The following CSMD1 variants were observed in gnomAD, a reference collection of about 807,000 sequenced individuals.
CSMD1 encodes CUB and sushi domain-containing protein 1.
In CSMD1, 213 loss-of-function variants were observed where a neutral mutation model predicts 417.5. The observed-to-expected ratio is 0.51, with a 90% CI of 0.46 to 0.57. CSMD1 has a LOEUF of 0.57. Among genes scored for constraint, CSMD1 ranks in the 20% least tolerant of loss-of-function variants. The pLI is 0.00. For missense variants in CSMD1, 6,923 were observed against 4,529.7 expected (o/e 1.53, Z -15.17); for synonymous variants, 2,862 against 1,736.8 (o/e 1.65, Z -16.11).
intron 41 of CSMD1, among the ~76,000 whole-genome samples, chr8:3,126,638 G>C (rs1000133478): frequency 2.6e-5 from 4 of 152,060 alleles, no homozygotes; most frequent in East Asian, 1.9e-4. Flanking sequence ...TAAACTTCTG[G>C]GATAGCATAT....
rs566832045 is a variant in CSMD1, at chr8:3,835,685, C to T, written c.819-81643G>A. Among the ~76,000 whole-genome samples the T allele has an allele frequency of 2.0e-5, 3 of 147,340 alleles. No homozygotes were observed. The South Asian group carries it at 6.4e-4, about 31-fold the overall frequency. Reference sequence around the variant, plus strand: ...ATGTAACAAACCTGCACATTGTGCACATGTACCCTGAAACTTAAAGTATAA... The same window carrying T: ...ATGTAACAAACCTGCACATTGTGCATATGTACCCTGAAACTTAAAGTATAA... On this transcript the variant is annotated intron_variant, in intron 5 of 69. Coordinates refer to ENST00000635120, the MANE Select transcript of CSMD1 (RefSeq NM_033225.6).
intron 3 of CSMD1, among the ~76,000 whole-genome samples, chr8:4,268,399 T>G (rs933564684): frequency 1.3e-5 from 2 of 152,294 alleles, no homozygotes; most frequent in African/African-American, 2.4e-5. Flanking sequence ...CAAGAGGAAG[T>G]AATTATTGTA....
intron 2 of CSMD1, among the ~76,000 whole-genome samples, chr8:4,436,286 G>C (rs375443182): frequency 1.3e-5 from 2 of 152,058 alleles, no homozygotes; most frequent in East Asian, 1.9e-4. Flanking sequence ...TTGTATTGTG[G>C]TGTTTTTTTC....
intron 1 of CSMD1, among the ~76,000 whole-genome samples, chr8:4,845,795 T>C (rs961507987): frequency 2.0e-5 from 3 of 152,160 alleles, no homozygotes; most frequent in Non-Finnish European, 2.9e-5. Flanking sequence ...AAGGGCGGAT[T>C]TTACTAAAGA....
intron 10 of CSMD1, among the ~76,000 whole-genome samples, chr8:3,507,624 G>T (rs981629900): frequency 6.6e-6 from 1 of 152,212 alleles, no homozygotes; most frequent in Non-Finnish European, 1.5e-5. Context: ...CCCACCAACA[G>T]TGTAAAAGTG....
intron 1 of CSMD1, among the ~76,000 whole-genome samples, chr8:4,896,774 T>C (rs1380340204): frequency 6.6e-6 from 1 of 151,700 alleles, no homozygotes; most frequent in Non-Finnish European, 1.5e-5. Flanking sequence ...GGGAAGGAGG[T>C]AGTTTCAGGG....
chr8:4,323,287 A>G (rs974597005), intron 3 of CSMD1, among the ~76,000 whole-genome samples: 1 of 152,138 alleles, frequency 6.6e-6, no homozygotes, highest in African/African-American at 2.4e-5. Flanking sequence ...GGTTCAACAG[A>G]CTTATTTCAC....
At chr8:3,662,489 G>C (rs180968934) in intron 7 of CSMD1, among the ~76,000 whole-genome samples, 4 of 152,242 alleles carry the variant, frequency 2.6e-5, no homozygotes, top group African/African-American at 9.6e-5. Context: ...AAATAGTGCT[G>C]CAATAAACAT....
intron 2 of CSMD1, among the ~76,000 whole-genome samples, chr8:4,427,761 T>C (rs909137146): frequency 3.9e-5 from 6 of 152,198 alleles, no homozygotes; most frequent in African/African-American, 4.8e-5. Flanking sequence ...AATCTCTCAA[T>C]AGAAACTTCA....
intron 7 of CSMD1, among the ~76,000 whole-genome samples, chr8:3,695,753 C>A (rs1400854064): frequency 6.6e-6 from 1 of 152,162 alleles, no homozygotes; most frequent in Non-Finnish European, 1.5e-5. Flanking sequence ...AAACCCTAGT[C>A]TGAGCATATT....
intron 26 of CSMD1, among the ~76,000 whole-genome samples, chr8:3,234,872 T>G (rs1007229658): frequency 2.0e-5 from 3 of 152,204 alleles, no homozygotes; most frequent in Non-Finnish European, 4.4e-5. Flanking sequence ...AATTTACTCT[T>G]TGAGTGATAT....
At chr8:3,510,129 A>G (rs1797002099) in intron 10 of CSMD1, among the ~76,000 whole-genome samples, 1 of 152,092 alleles carries the variant, frequency 6.6e-6, no homozygotes, top group Non-Finnish European at 1.5e-5. Flanking sequence ...ACATGAATTG[A>G]CAGAGAATAC....
At chr8:3,190,691 T>C (rs1283967442) in intron 33 of CSMD1, among the ~76,000 whole-genome samples, 3 of 152,200 alleles carry the variant, frequency 2.0e-5, no homozygotes, top group South Asian at 2.1e-4. Flanking sequence ...TACTCTCACA[T>C]TCATTGTAGC....
intron 3 of CSMD1, among the ~76,000 whole-genome samples, chr8:4,127,186 C>T (rs977918937): frequency 2.0e-5 from 3 of 152,046 alleles, no homozygotes; most frequent in Non-Finnish European, 4.4e-5. Flanking sequence ...TTCCTGCTAT[C>T]CCTGGAGGTG....
chr8:4,534,693 G>A (rs1797011271), intron 2 of CSMD1, among the ~76,000 whole-genome samples: 1 of 152,190 alleles, frequency 6.6e-6, no homozygotes, highest in East Asian at 1.9e-4. Flanking sequence ...GTGGTATTTG[G>A]TATTCGGTCC....
chr8:3,089,838 A>G (rs1814811292), intron 48 of CSMD1, among the ~76,000 whole-genome samples: 1 of 152,176 alleles, frequency 6.6e-6, no homozygotes, highest in Non-Finnish European at 1.5e-5. Context: ...TCCTTGTGGT[A>G]TGACAACAAA....
At chr8:3,601,030 A>T (rs1014770649) in intron 8 of CSMD1, among the ~76,000 whole-genome samples, 1 of 152,166 alleles carries the variant, frequency 6.6e-6, no homozygotes, top group Non-Finnish European at 1.5e-5. Flanking sequence ...CTATGATTGG[A>T]CATTTTTCAT....
intron 2 of CSMD1, among the ~76,000 whole-genome samples, chr8:4,461,987 C>T (rs888863297): frequency 2.6e-5 from 4 of 151,962 alleles, no homozygotes; most frequent in African/African-American, 9.7e-5. Flanking sequence ...CTGATCCGCC[C>T]ACCTCGGCCT....
intron 8 of CSMD1, among the ~76,000 whole-genome samples, chr8:3,586,960 C>T (rs770120707): frequency 4.6e-5 from 7 of 152,042 alleles, no homozygotes; most frequent in Non-Finnish European, 8.8e-5. Context: ...CAACTAGGCC[C>T]GGCTAATTTT....
Sources: allele counts gnomAD v4.1 joint callset (sites outside exome capture counted in the v4.1 genomes callset), GRCh38; gene constraint gnomAD v4.1.1; transcripts MANE v1.5; gene names NCBI Gene and HGNC (gene_info 2026-07-23, HGNC 2026-07-21).